The following PCDHA10 variants were observed in gnomAD, a reference collection of about 807,000 sequenced individuals.
PCDHA10 encodes the protein protocadherin alpha 10.
In PCDHA10, 45 loss-of-function variants were observed where a neutral mutation model predicts 61.2. That is an observed-to-expected ratio of 0.74 (90% CI 0.58 to 0.94). PCDHA10 has a LOEUF of 0.94. Ranked by LOEUF, PCDHA10 falls within the 40% of genes least tolerant of loss-of-function variation. The pLI, the probability that PCDHA10 is intolerant of heterozygous loss-of-function variation, is 0.00. For missense variants in PCDHA10, 1,278 were observed against 1,236.2 expected, an observed-to-expected ratio of 1.03 and a Z score of -0.51; for synonymous variants, 602 against 548.8, an observed-to-expected ratio of 1.10 and a Z score of -1.35.
intron 1 of PCDHA10, among the ~76,000 whole-genome samples, chr5:140,896,899 C>T (rs191660343): frequency 1.4e-4 from 21 of 152,112 alleles, no homozygotes; most frequent in Admixed American, 1.4e-3. Flanking sequence ...CATTTTGATA[C>T]AAGCATGCAA....
intron 1 of PCDHA10, chr5:140,860,456 A>T (rs2046407427): frequency 6.6e-6 from 1 of 152,196 alleles, no homozygotes; most frequent in Non-Finnish European, 1.5e-5. Context: ...AATTCACGTG[A>T]TAATACAGTT....
chr5:140,998,826 AGTGCTGGATTACTG>A (rs1301277298), intron 3 of PCDHA10, among the ~76,000 whole-genome samples: 1 of 152,240 alleles, frequency 6.6e-6, no homozygotes, highest in Non-Finnish European at 1.5e-5. Flanking sequence ...GGCCTCCCAA[AGTGCTGGATTACTG>A]GTGTGAGCCA....
chr5:140,976,037 T>C (rs1466922826), intron 1 of PCDHA10, among the ~76,000 whole-genome samples: 1 of 152,200 alleles, frequency 6.6e-6, no homozygotes, highest in Non-Finnish European at 1.5e-5. Context: ...ATTTCAACTG[T>C]GATTGAAATT....
At position 140,883,904 on chromosome 5, in the gene PCDHA10, G is replaced by A. The variant is rs146827381; in HGVS notation, c.2388+25468G>A. 7,677 of 1,613,344 alleles carry A rather than the reference G, an allele frequency of 4.8e-3. 19 individuals are homozygous for A. The highest frequency in any genetic ancestry group is 5.8e-3 in the Non-Finnish European group (6,886 of 1,179,828). On this transcript the variant is annotated intron_variant, in intron 1 of 3. Transcript: ENST00000307360. ...GCGCGACTCTGGCGTGCCGCCTCTG[G>A]GCAGCAACGTGACGCTGCAGGTGTT... is the stretch of plus-strand genomic sequence containing the variant.
At position 140,856,418 on chromosome 5, in the gene PCDHA10, G is replaced by A. The variant is rs782470045; in HGVS notation, c.370G>A (p.Asp124Asn). 17 of 1,598,338 alleles carry A rather than the reference G, an allele frequency of 1.1e-5. 1 individual carries two copies. The Admixed American group carries it at 1.2e-4, about 11-fold the overall frequency. The change falls in exon 1 of 4, where the codon GAC becomes AAC. Residue 124 changes from aspartate (D) to asparagine (N), a missense_variant. Transcript: ENST00000307360. Reference protein sequence around the residue: ...QVFHVDVEVKDINDNPPRFSV... With the variant: ...QVFHVDVEVKNINDNPPRFSV... ...TTTCCATGTGGACGTGGAAGTGAAGGACATTAACGACAACCCGCCCAGGTT... is the reference window on the plus strand; with the variant it reads ...TTTCCATGTGGACGTGGAAGTGAAGAACATTAACGACAACCCGCCCAGGTT...
At chr5:140,860,689 G>A (rs1478164991) in intron 1 of PCDHA10, 3 of 152,174 alleles carry the variant, frequency 2.0e-5, no homozygotes, top group African/African-American at 7.2e-5. Flanking sequence ...TGTTTTGAGC[G>A]ACAGGATATT....
chr5:140,858,438 T>C lies in PCDHA10; in HGVS notation c.2388+2T>C, dbSNP rs1175682550. 6.5e-7 allele frequency: 1 copy of C among 1,540,812 alleles called. No homozygotes were observed. The highest frequency in any genetic ancestry group is 2.0e-5 in the Admixed American group (1 of 51,066). On this transcript the variant is annotated splice_donor_variant, in intron 1 of 3. Coordinates refer to ENST00000307360, the MANE Select transcript of PCDHA10 (RefSeq NM_018901.4). LOFTEE classifies it high-confidence loss of function. ...ATTGGAGGGGACCACTCTAGGAAGG[T>C]GGGTTATTACGTTTTCATTTTCCTT...
intron 1 of PCDHA10, among the ~76,000 whole-genome samples, chr5:140,902,203 C>CTTTTTTTTTT (rs148688132): frequency 8.0e-6 from 1 of 124,460 alleles, no homozygotes; most frequent in Non-Finnish European, 1.7e-5. Flanking sequence ...CTCTCTCTTT[C>CTTTTTTTTTT]TTTTTTTTTT....
intron 1 of PCDHA10, among the ~76,000 whole-genome samples, chr5:140,891,953 T>G (rs1056816293): frequency 6.6e-6 from 1 of 152,238 alleles, no homozygotes; most frequent in African/African-American, 2.4e-5. Flanking sequence ...GCTCCAGAAT[T>G]GTGAGAAGTA....
At chr5:140,878,107 A>G in intron 1 of PCDHA10, 1 of 256,418 alleles carries the variant, frequency 3.9e-6, no homozygotes, top group Non-Finnish European at 7.2e-6. Context: ...AACCTTGAAA[A>G]AAACAGTATA....
chr5:140,871,301 C>T lies in PCDHA10; in HGVS notation c.2388+12865C>T, dbSNP rs781904724. 1.9e-6 allele frequency: 3 copies of T among 1,613,800 alleles called. No individual in the cohort carries two copies. In the African/African-American group the frequency reaches 4.0e-5, roughly 22 times the overall value. ...ACGCCCACTGAGGGCGCGTGCGCGC[C>T]GGGGAAGCCCACGCTGGTGTGCTCC... is the stretch of plus-strand genomic sequence containing the variant. On this transcript the variant is annotated intron_variant, in intron 1 of 3. Coordinates refer to ENST00000307360, the MANE Select transcript of PCDHA10 (RefSeq NM_018901.4).
In PCDHA10 at chr5:140,972,316, G is replaced by GT. The variant is rs112435719; in HGVS notation, c.2389-6621dup. On this transcript the variant is annotated intron_variant, in intron 1 of 3. Coordinates refer to ENST00000307360, the MANE Select transcript of PCDHA10 (RefSeq NM_018901.4). ...CACCGTGTCTGACTAGTTTTTAGGT[G>GT]TTTTTTTTTTTTGGAAGAGATGGGG... 6.7e-3 allele frequency among the ~76,000 whole-genome samples: 929 copies of GT among 139,652 alleles called. 6 individuals carry two copies. The highest frequency in any genetic ancestry group is 0.017 in the African/African-American group (645 of 38,294). The allele number at this position is 139,652 out of a possible 152,430, so 91.6% of individuals were successfully genotyped here.
chr5:140,876,674 A>T (rs782568001), intron 1 of PCDHA10: 38 of 1,614,024 alleles, frequency 2.4e-5, no homozygotes, highest in Non-Finnish European at 3.1e-5. Flanking sequence ...GTGTCCACCT[A>T]CAAGAATTAC....
At chr5:140,862,674 C>G (rs782474067) in intron 1 of PCDHA10, 12 of 549,972 alleles carry the variant, frequency 2.2e-5, no homozygotes, top group African/African-American at 3.8e-5. Flanking sequence ...CGCAGGAGAA[C>G]GTGCTGGTGT....
At chr5:140,970,585 T>G (rs1554232585) in intron 1 of PCDHA10, among the ~76,000 whole-genome samples, 2 of 152,244 alleles carry the variant, frequency 1.3e-5, no homozygotes, top group Non-Finnish European at 2.9e-5. Context: ...ATAACAGAGA[T>G]ATGCTTTGTG....
chr5:140,925,082 A>AAAGG (rs138596875), intron 1 of PCDHA10, among the ~76,000 whole-genome samples: 24,812 of 147,244 alleles, frequency 0.17, 2,350 homozygotes, highest in African/African-American at 0.25. Context: ...GCTCATCTGG[A>AAAGG]AAGGAAGGAA....
chr5:140,869,939 A>T (rs377186222), intron 1 of PCDHA10: 5 of 1,612,014 alleles, frequency 3.1e-6, no homozygotes, highest in Non-Finnish European at 4.2e-6. Flanking sequence ...GAGGTAACAT[A>T]CTCCTTAATG....
chr5:140,871,234 G>T (rs1554165295), intron 1 of PCDHA10: 3 of 1,613,844 alleles, frequency 1.9e-6, no homozygotes, highest in Non-Finnish European at 2.5e-6. Flanking sequence ...CAGCCTCCTG[G>T]TACTCACGCT....
rs764735564 is a variant in PCDHA10, at chr5:140,871,304, G to A, written c.2388+12868G>A. On this transcript the variant is annotated intron_variant, in intron 1 of 3. Transcript: ENST00000307360. ...CCCACTGAGGGCGCGTGCGCGCCGG[G>A]GAAGCCCACGCTGGTGTGCTCCCGC... 4.3e-6 allele frequency: 7 copies of A among 1,613,850 alleles called. No individual in the cohort carries two copies. In the East Asian group the frequency reaches 1.3e-4, roughly 31 times the overall value.
Sources: allele counts gnomAD v4.1 joint callset (sites outside exome capture counted in the v4.1 genomes callset), GRCh38; gene constraint gnomAD v4.1.1; transcripts MANE v1.5; gene names NCBI Gene and HGNC (gene_info 2026-07-23, HGNC 2026-07-21).